XKR4: variants seen among roughly 807,000 people sequenced by gnomAD.
The protein encoded by XKR4 is XK related 4, also known as XK-related protein 4.
Under a neutral mutation model 53.9 loss-of-function variants are expected in XKR4, and 12 were observed. That is an observed-to-expected ratio of 0.22 (90% CI 0.14 to 0.36). The LOEUF is 0.36. Ranked by LOEUF, XKR4 falls within the 10% of genes least tolerant of loss-of-function variation. XKR4 has a pLI of 1.00. For missense variants in XKR4, 799 were observed against 859.5 expected, an observed-to-expected ratio of 0.93 and a Z score of 0.88; for synonymous variants, 354 against 362.4, an observed-to-expected ratio of 0.98 and a Z score of 0.26.
intron 2 of XKR4, among the ~76,000 whole-genome samples, chr8:55,442,829 G>A (rs149154501): frequency 6.6e-6 from 1 of 152,190 alleles, no homozygotes; most frequent in Non-Finnish European, 1.5e-5. Context: ...AGAAAGAGGC[G>A]TGGGGAGTGA....
chr8:55,389,416 A>G (rs977034096), intron 2 of XKR4, among the ~76,000 whole-genome samples: 8 of 152,222 alleles, frequency 5.3e-5, no homozygotes, highest in Admixed American at 5.2e-4. Flanking sequence ...AAGGCCCCAG[A>G]TTATTATAAA....
chr8:55,304,824 C>T (rs2129377396), intron 1 of XKR4, among the ~76,000 whole-genome samples: 2 of 152,172 alleles, frequency 1.3e-5, no homozygotes, highest in South Asian at 4.1e-4. Flanking sequence ...GCAACCCCTG[C>T]CTTTTTTTGT....
At chr8:55,118,669 C>T (rs907318387) in intron 1 of XKR4, among the ~76,000 whole-genome samples, 15 of 152,318 alleles carry the variant, frequency 9.8e-5, no homozygotes, top group Non-Finnish European at 1.6e-4. Context: ...CCCTTGTTCC[C>T]GTTCAAAAGA....
intron 1 of XKR4, among the ~76,000 whole-genome samples, chr8:55,208,449 C>G (rs1246402980): frequency 6.6e-6 from 1 of 151,870 alleles, no homozygotes; most frequent in African/African-American, 2.4e-5. Flanking sequence ...AATAAAGTTT[C>G]TCATTGTTAT....
chr8:55,165,545 A>G (rs924471612), intron 1 of XKR4, among the ~76,000 whole-genome samples: 1 of 152,144 alleles, frequency 6.6e-6, no homozygotes, highest in South Asian at 2.1e-4. Flanking sequence ...AATTCTAATC[A>G]TTGACAATTT....
intron 1 of XKR4, among the ~76,000 whole-genome samples, chr8:55,323,755 C>A (rs1440657583): frequency 6.6e-6 from 1 of 152,180 alleles, no homozygotes; most frequent in Admixed American, 6.5e-5. Context: ...TTCTATGTGT[C>A]CTTAATGCTT....
chr8:55,506,344 C>T lies in XKR4; in HGVS notation c.1007-16937C>T, dbSNP rs943790111. On this transcript the variant is annotated intron_variant, in intron 2 of 2. Transcript: ENST00000327381. ...CTCACAGCAAAAATCAGATACCAGC[C>T]ACAAGGTTTCCCACTCAAGACCTCA... Among the ~76,000 whole-genome samples, 3 of 152,176 alleles carry T rather than the reference C, an allele frequency of 2.0e-5. No homozygotes were observed. In the East Asian group the frequency reaches 5.8e-4, roughly 29 times the overall value.
intron 1 of XKR4, among the ~76,000 whole-genome samples, chr8:55,193,664 G>A (rs1329582282): frequency 6.6e-6 from 1 of 152,236 alleles, no homozygotes; most frequent in Non-Finnish European, 1.5e-5. Flanking sequence ...AGAAATGAGA[G>A]TCCCCATGCT....
At chr8:55,294,741 C>T (rs1461862447) in intron 1 of XKR4, among the ~76,000 whole-genome samples, 1 of 152,144 alleles carries the variant, frequency 6.6e-6, no homozygotes, top group Non-Finnish European at 1.5e-5. Context: ...ATTCCTTTAG[C>T]ATACTTCTAT....
chr8:55,475,022 A>C (rs1010185543), intron 2 of XKR4, among the ~76,000 whole-genome samples: 3 of 152,190 alleles, frequency 2.0e-5, no homozygotes, highest in Non-Finnish European at 1.5e-5. Flanking sequence ...GACAAAATAT[A>C]CTGACATGTT....
At chr8:55,134,546 G>C (rs1427413762) in intron 1 of XKR4, among the ~76,000 whole-genome samples, 1 of 152,158 alleles carries the variant, frequency 6.6e-6, no homozygotes, top group Non-Finnish European at 1.5e-5. Context: ...TCCCAGCATG[G>C]CAATGAGCTC....
chr8:55,343,022 T>C (rs1490528662), intron 1 of XKR4, among the ~76,000 whole-genome samples: 1 of 152,230 alleles, frequency 6.6e-6, no homozygotes, highest in Non-Finnish European at 1.5e-5. Context: ...TTGGAAACAC[T>C]GAACTTTTGT....
intron 1 of XKR4, among the ~76,000 whole-genome samples, chr8:55,295,242 G>A (rs1819085058): frequency 6.6e-6 from 1 of 152,178 alleles, no homozygotes; most frequent in South Asian, 2.1e-4. Flanking sequence ...TTCTGTGACA[G>A]AAGGTAGTAA....
At chr8:55,436,090 C>G (rs1485019361) in intron 2 of XKR4, among the ~76,000 whole-genome samples, 1 of 152,166 alleles carries the variant, frequency 6.6e-6, no homozygotes, top group Non-Finnish European at 1.5e-5. Flanking sequence ...GTATGGAATT[C>G]TGTTCTCTCT....
intron 2 of XKR4, among the ~76,000 whole-genome samples, chr8:55,424,694 C>A (rs1217296702): frequency 6.6e-6 from 1 of 152,186 alleles, no homozygotes; most frequent in Admixed American, 6.5e-5. Context: ...TTTGGGGAAG[C>A]TTTGACTCTT....
intron 2 of XKR4, among the ~76,000 whole-genome samples, chr8:55,393,494 A>G (rs1342675394): frequency 1.3e-5 from 2 of 152,148 alleles, no homozygotes; most frequent in Non-Finnish European, 2.9e-5. Context: ...TGTGGCAAAA[A>G]TATTCATAAT....
At chr8:55,262,841 G>T (rs904361959) in intron 1 of XKR4, among the ~76,000 whole-genome samples, 3 of 152,196 alleles carry the variant, frequency 2.0e-5, no homozygotes, top group Admixed American at 2.0e-4. Flanking sequence ...AAACTGTCAT[G>T]GGCTGGAGGC....
chr8:55,502,897 G>A (rs1047704991), intron 2 of XKR4, among the ~76,000 whole-genome samples: 1 of 152,076 alleles, frequency 6.6e-6, no homozygotes, highest in African/African-American at 2.4e-5. Flanking sequence ...TTTGCATGTG[G>A]TGTAAGGTAA....
intron 2 of XKR4, 147 bp downstream of exon 2, chr8:55,358,024 A>G: frequency 1.2e-6 from 1 of 813,612 alleles, no homozygotes; most frequent in Non-Finnish European, 1.9e-6. Flanking sequence ...ATGATGCATG[A>G]TGTTTTCCTA....
Sources: allele counts gnomAD v4.1 joint callset (sites outside exome capture counted in the v4.1 genomes callset), GRCh38; gene constraint gnomAD v4.1.1; transcripts MANE v1.5; gene names NCBI Gene and HGNC (gene_info 2026-07-23, HGNC 2026-07-21).